Variants in GNG7 observed in about 807,000 individuals in gnomAD.
The protein encoded by GNG7 is G protein subunit gamma 7.
In GNG7, 1 loss-of-function variant was observed where a neutral mutation model predicts 4.0. That is an observed-to-expected ratio of 0.25 (90% CI 0.09 to 1.18). The LOEUF is 1.18. Among genes scored for constraint, GNG7 ranks in the 50% most tolerant of loss-of-function variants. The probability of loss-of-function intolerance (pLI) is 0.50; values close to 1 mark genes in which losing one functional copy is unlikely to be tolerated. For synonymous variants in GNG7, 34 were observed against 36.9 expected, an observed-to-expected ratio of 0.92 and a Z score of 0.29; for missense variants, 86 against 91.9, an observed-to-expected ratio of 0.94 and a Z score of 0.26.
At chr19:2,676,282 G>A (rs918795321) in intron 1 of GNG7, among the ~76,000 whole-genome samples, 3 of 152,096 alleles carry the variant, frequency 2.0e-5, no homozygotes, top group Non-Finnish European at 4.4e-5. Context: ...CATTTTCCAT[G>A]GGCGCCCTCA....
Position 2,546,720 on chromosome 19 carries a change from C to A in GNG7, c.-38+8429G>T, listed in dbSNP as rs1979139279. ...GGCCGCGACGACAGAGGGTGACGCG[C>A]CGCCAGTGTGGGTTTGGTCGCCGCG... On this transcript the variant is annotated intron_variant, in intron 3 of 4. Transcript: ENST00000382159. The surrounding 1 kb of genome is among the most constrained non-coding windows in gnomAD (Gnocchi z 6.3). 6.6e-6 allele frequency among the ~76,000 whole-genome samples: 1 copy of A among 152,184 alleles called. No individual in the cohort carries two copies. The highest frequency in any genetic ancestry group is 1.5e-5 in the Non-Finnish European group (1 of 68,034).
chr19:2,659,221 G>A (rs1334381776), intron 1 of GNG7, among the ~76,000 whole-genome samples: 1 of 151,604 alleles, frequency 6.6e-6, no homozygotes, highest in African/African-American at 2.4e-5. Context: ...CGCCCACCTT[G>A]GCCTCCCAAA....
intron 3 of GNG7, among the ~76,000 whole-genome samples, chr19:2,523,162 C>T (rs1199315232): frequency 2.0e-5 from 3 of 151,762 alleles, no homozygotes; most frequent in Non-Finnish European, 4.4e-5. Flanking sequence ...CCACCATGCC[C>T]GGCCCAAGGA....
intron 2 of GNG7, among the ~76,000 whole-genome samples, chr19:2,569,496 C>T (rs1050938410): frequency 5.3e-5 from 8 of 152,094 alleles, no homozygotes; most frequent in African/African-American, 1.4e-4. Context: ...AGGATGGTCT[C>T]GATCTCCTGA....
intron 2 of GNG7, among the ~76,000 whole-genome samples, chr19:2,564,540 C>T (rs909225321): frequency 1.3e-5 from 2 of 152,160 alleles, no homozygotes. Flanking sequence ...TGCCACCGCA[C>T]TCCAGCCTGG....
chr19:2,630,161 A>G (rs968881509), intron 2 of GNG7, among the ~76,000 whole-genome samples: 2 of 152,016 alleles, frequency 1.3e-5, no homozygotes, highest in Admixed American at 1.3e-4. Flanking sequence ...AGAGGAAGGG[A>G]TGGACGCCAG....
At chr19:2,568,990 C>G (rs1380067329) in intron 2 of GNG7, among the ~76,000 whole-genome samples, 4 of 152,052 alleles carry the variant, frequency 2.6e-5, no homozygotes, top group Admixed American at 6.6e-5. Flanking sequence ...TACACATACA[C>G]ATATTTACAC....
At position 2,512,849 on chromosome 19, in the gene GNG7, G is replaced by A. The variant is rs116102055; in HGVS notation, c.*2173C>T. The A allele has an allele frequency of 2.1e-4, 202 of 964,298 alleles. No individual in the cohort carries two copies. The African/African-American group carries it at 3.4e-3, about 16-fold the overall frequency. 59.7% of individuals were successfully genotyped at this position (964,298 alleles called of 1,614,324 possible). ...TCTCCCTGCCTGGGGTCCTCCCAGG[G>A]TCTCTGGAACAGGCTTTTGTCCCTT... On this transcript the variant is annotated 3_prime_UTR_variant, in exon 5 of 5. Transcript: ENST00000382159. This position sits in a 1 kb window ranked among gnomAD's most constrained non-coding sequence, Gnocchi z 4.7.
rs750687168 is a variant in GNG7, at chr19:2,611,004, C to CGGGG, written c.-78+35216_-78+35219dup. 6 of 21,930 alleles carry CGGGG rather than the reference C, an allele frequency of 2.7e-4. No individual in the cohort carries two copies. The highest frequency in any genetic ancestry group is 3.7e-4 in the African/African-American group (6 of 16,180). The allele number at this position is 21,930 out of a possible 1,614,324, so 1.4% of individuals were successfully genotyped here. ...GGGGAACGGGCTCACGTGCCAGGCT[C>CGGGG]GGGGGGGGGGAAGCGTCCTCAACAT... On this transcript the variant is annotated intron_variant, in intron 2 of 4. Transcript: ENST00000382159. The surrounding 1 kb of genome is among the most constrained non-coding windows in gnomAD (Gnocchi z 6.0).
chr19:2,565,775 C>T (rs917012997), intron 2 of GNG7, among the ~76,000 whole-genome samples: 8 of 152,150 alleles, frequency 5.3e-5, no homozygotes, highest in Non-Finnish European at 1.2e-4. Context: ...TGTGTGAGCC[C>T]GGCCGAGTCC....
intron 1 of GNG7, among the ~76,000 whole-genome samples, chr19:2,662,259 C>T (rs79863494): frequency 1.4e-5 from 1 of 73,660 alleles, no homozygotes. Flanking sequence ...GACTCCATCT[C>T]AAAAAAAAAA....
At position 2,546,521 on chromosome 19, in the gene GNG7, C is replaced by T. The variant is rs538857205; in HGVS notation, c.-38+8628G>A. 5.4e-4 allele frequency among the ~76,000 whole-genome samples: 82 copies of T among 152,310 alleles called. No homozygotes were observed. The East Asian group carries it at 0.013, about 24-fold the overall frequency. ...GTGACTGTCCCTGTCAGTGTGGGCC[C>T]TTTGCTCTCAGGCTAAATCGGTCCC... On this transcript the variant is annotated intron_variant, in intron 3 of 4. Coordinates refer to ENST00000382159, the MANE Select transcript of GNG7 (RefSeq NM_052847.3). This position sits in a 1 kb window ranked among gnomAD's most constrained non-coding sequence, Gnocchi z 6.3.
chr19:2,542,308 G>A (rs1391957876), intron 3 of GNG7, among the ~76,000 whole-genome samples: 1 of 151,900 alleles, frequency 6.6e-6, no homozygotes, highest in Non-Finnish European at 1.5e-5. Flanking sequence ...TCGAGACGGG[G>A]TTTCACCATG....
chr19:2,609,588 C>T lies in GNG7; in HGVS notation c.-78+36636G>A, dbSNP rs1208229706. 1.3e-5 allele frequency among the ~76,000 whole-genome samples: 2 copies of T among 152,170 alleles called. No individual in the cohort carries two copies. Among genetic ancestry groups the T allele is most frequent in the Non-Finnish European group, 2.9e-5 (2 of 68,038 alleles). ...GCTGGGTGGATTGCAGTGATGTTTGCGCACCACGTCCCGAGTGCCAGAGCA... is the reference window on the plus strand; with the variant it reads ...GCTGGGTGGATTGCAGTGATGTTTGTGCACCACGTCCCGAGTGCCAGAGCA... On this transcript the variant is annotated intron_variant, in intron 2 of 4. Coordinates refer to ENST00000382159, the MANE Select transcript of GNG7 (RefSeq NM_052847.3). This position sits in a 1 kb window ranked among gnomAD's most constrained non-coding sequence, Gnocchi z 4.4.
At chr19:2,661,292 A>AGAGAGAGAG in intron 1 of GNG7, among the ~76,000 whole-genome samples, 1 of 37,828 alleles carries the variant, frequency 2.6e-5, no homozygotes, top group South Asian at 9.9e-4. Flanking sequence ...GAAAGAAAGA[A>AGAGAGAGAG]AGAAAGAAAG....
chr19:2,661,347 A>AGAAAGAAAGAAAGAAAGAAG (rs1568277885), intron 1 of GNG7, among the ~76,000 whole-genome samples: 108 of 148,434 alleles, frequency 7.3e-4, no homozygotes, highest in African/African-American at 2.5e-3. Flanking sequence ...AAAGAAAGAA[A>AGAAAGAAAGAAAGAAAGAAG]GAAAGAAAGA....
chr19:2,686,741 C>A (rs1983881231), intron 1 of GNG7, among the ~76,000 whole-genome samples: 1 of 150,850 alleles, frequency 6.6e-6, no homozygotes, highest in South Asian at 2.1e-4. Flanking sequence ...ACTTTACTTA[C>A]TTTTTTTCTT....
At chr19:2,577,007 C>T (rs374909439) in intron 2 of GNG7, among the ~76,000 whole-genome samples, 16 of 152,364 alleles carry the variant, frequency 1.1e-4, no homozygotes, top group East Asian at 9.6e-4. Flanking sequence ...AAGTCATTCA[C>T]GCTACGTGAG....
intron 1 of GNG7, among the ~76,000 whole-genome samples, chr19:2,658,307 T>G (rs932776597): frequency 1.3e-5 from 2 of 152,212 alleles, no homozygotes; most frequent in South Asian, 4.1e-4. Flanking sequence ...AAGTATTTTA[T>G]GCTCTGTGAG....
Sources: gnomAD v4.1 joint callset for allele counts (sites outside exome capture counted in the v4.1 genomes callset) on GRCh38, gnomAD v4.1.1 for gene constraint, Gnocchi (gnomAD v3.1) non-coding constraint, MANE v1.5 for transcripts, NCBI Gene and HGNC (gene_info 2026-07-23, HGNC 2026-07-21) for gene names.